The following OR1K1 variants were observed in gnomAD, a reference collection of about 807,000 sequenced individuals.
OR1K1 encodes the protein olfactory receptor 1K1.
For synonymous variants in OR1K1, 168 were observed against 178.2 expected (o/e 0.94, Z 0.46); for missense variants, 409 against 407.9 (o/e 1.00, Z -0.02).
At position 122,801,018 on chromosome 9, in the gene OR1K1, AG is replaced by A. The variant is rs755877279; in HGVS notation, c.901del (p.Ala301HisfsTer?). On this transcript the variant is annotated frameshift_variant, in exon 1 of 1. Coordinates refer to ENST00000277309, the MANE Select transcript of OR1K1 (RefSeq NM_080859.1). LOFTEE classifies it low-confidence loss of function (END_TRUNC). ...IIYSLWNRDVQGALRALLIGR... is the reference protein window; with the variant it reads ...IIYSLWNRDVXGALRALLIGR... ...TACAGCCTCTGGAATCGCGATGTAC[AG>A]GGGGCACTCCGAGCCCTTCTCATTG... 8.1e-6 allele frequency: 13 copies of A among 1,613,734 alleles called. No homozygotes were observed. The highest frequency in any genetic ancestry group is 8.5e-6 in the Non-Finnish European group (10 of 1,179,982).
Position 122,800,647 on chromosome 9 carries a change from G to A in OR1K1, c.525G>A (p.Val175=). 1 of 1,614,006 alleles carries A rather than the reference G, an allele frequency of 6.2e-7. No homozygotes were observed. Among genetic ancestry groups the A allele is most frequent in the South Asian group, 1.1e-5 (1 of 91,080 alleles). The part of the protein sequence containing the change: ...ARLSFCASHQ[V]PHFFCDHQPL... ...TGTCCTTCTGTGCTTCCCACCAAGT[G>A]CCCCACTTCTTCTGTGACCACCAGC... is the stretch of plus-strand genomic sequence containing the variant. The change falls in exon 1 of 1, where the codon GTG becomes GTA. Residue 175 remains valine (V), a synonymous_variant. Coordinates refer to ENST00000277309, the MANE Select transcript of OR1K1 (RefSeq NM_080859.1).
rs374948229 is a variant in OR1K1, at chr9:122,800,896, A to G, written c.774A>G (p.Ala258=). The change falls in exon 1 of 1, where the codon GCA becomes GCG. Residue 258 remains alanine, a synonymous_variant. Transcript: ENST00000277309. Reference sequence around the variant, plus strand: ...GCCTCTTCTATGGGACAGTCATTGCAGTCTACTTCCAGGCCACATCCCGAC... The same window carrying G: ...GCCTCTTCTATGGGACAGTCATTGCGGTCTACTTCCAGGCCACATCCCGAC... ...VVSLFYGTVI[A]VYFQATSRRE... 1.9e-5 allele frequency: 30 copies of G among 1,614,122 alleles called. No homozygotes were observed. Among genetic ancestry groups the G allele is most frequent in the Admixed American group, 3.3e-5 (2 of 60,020 alleles).
Position 122,801,062 on chromosome 9 carries a change from A to G in OR1K1, c.940A>G (p.Ser314Gly). ...ALLIGRRISA[S>G]DS ...TCTCATTGGGCGAAGGATCTCAGCT[A>G]GTGACTCCTGAGGGCAGGACCCCAC... Residue 314 changes from serine to glycine, a missense_variant, in exon 1 of 1, where the codon AGT becomes GGT. Transcript: ENST00000277309. 6.2e-7 allele frequency: 1 copy of G among 1,603,942 alleles called. No homozygotes were observed. The highest frequency in any genetic ancestry group is 1.3e-5 in the African/African-American group (1 of 74,978).
rs1455504694 is a variant in OR1K1, at chr9:122,800,476, C to T, written c.354C>T (p.Ala118=). 7.4e-6 allele frequency: 12 copies of T among 1,611,652 alleles called. No homozygotes were observed. Among genetic ancestry groups the T allele is most frequent in the Non-Finnish European group, 7.6e-6 (9 of 1,180,008 alleles). ...TAACTGATAGCTGTCTTCTGGCGGC[C>T]ATGGCCTATGACTGCTACGTGGCCA... ...LGVTDSCLLA[A]MAYDCYVAIR... is the part of the protein sequence containing the mutation. Residue 118 remains alanine (A), a synonymous_variant, in exon 1 of 1, where the codon GCC becomes GCT. Coordinates refer to ENST00000277309, the MANE Select transcript of OR1K1 (RefSeq NM_080859.1).
At position 122,800,154 on chromosome 9, in the gene OR1K1, T is replaced by A; in HGVS notation, c.32T>A (p.Ile11Asn). ...GCTGCCAATGAGTCTTCAGAGGGAA[T>A]CTCATTCGTTTTATTGGGACTGACA... is the stretch of plus-strand genomic sequence containing the variant. MEAANESSEGISFVLLGLTTS... is the reference protein window; with the variant it reads MEAANESSEGNSFVLLGLTTS... Residue 11 changes from isoleucine (I) to asparagine (N), a missense_variant, in exon 1 of 1, where the codon ATC becomes AAC. Coordinates refer to ENST00000277309, the MANE Select transcript of OR1K1 (RefSeq NM_080859.1). 5 of 1,612,404 alleles carry A rather than the reference T, an allele frequency of 3.1e-6. No homozygotes were observed. Among genetic ancestry groups the A allele is most frequent in the Non-Finnish European group, 4.2e-6 (5 of 1,178,960 alleles).
At position 122,801,023 on chromosome 9, in the gene OR1K1, G is replaced by A. The variant is rs575222914; in HGVS notation, c.901G>A (p.Ala301Thr). The part of the protein sequence containing the change: ...YSLWNRDVQG[A>T]LRALLIGRRI... ...CCTCTGGAATCGCGATGTACAGGGG[G>A]CACTCCGAGCCCTTCTCATTGGGCG... Residue 301 changes from alanine (A) to threonine (T), a missense_variant, in exon 1 of 1, where the codon GCA (alanine) becomes ACA (threonine). Physicochemically the swap from Ala to Thr is moderately conservative, Grantham distance 58. Transcript: ENST00000277309. The A allele has an allele frequency of 1.7e-5, 28 of 1,613,466 alleles. No individual in the cohort carries two copies. The South Asian group carries it at 2.5e-4, about 15-fold the overall frequency.
rs1829357258 is a variant in OR1K1 at position 122,800,837 on chromosome 9, G to A, written c.715G>A (p.Val239Met). The A allele has an allele frequency of 1.2e-6, 2 of 1,613,706 alleles. No individual in the cohort carries two copies. Among genetic ancestry groups the A allele is most frequent in the Non-Finnish European group, 8.5e-7 (1 of 1,179,872 alleles). Reference protein sequence around the residue: ...LPSASGRLRAVSTCGSHLAVV... With the variant: ...LPSASGRLRAMSTCGSHLAVV... ...CTCAGCCTCTGGGAGGCTCCGGGCT[G>A]TGTCCACCTGTGGCTCCCACCTGGC... is the stretch of plus-strand genomic sequence containing the variant. The change falls in exon 1 of 1, where the codon GTG becomes ATG. Residue 239 changes from valine to methionine, a missense_variant. Transcript: ENST00000277309.
chr9:122,800,182 A>C lies in OR1K1; in HGVS notation c.60A>C (p.Thr20=), dbSNP rs748979398. 6 of 1,614,064 alleles carry C rather than the reference A, an allele frequency of 3.7e-6. No individual in the cohort carries two copies. The South Asian group carries it at 5.5e-5, about 15-fold the overall frequency. The change falls in exon 1 of 1, where the codon ACA becomes ACC. Residue 20 remains threonine, a synonymous_variant. Transcript: ENST00000277309. ...GISFVLLGLT[T]SPGQQRPLFV... is the part of the protein sequence containing the mutation. ...CATTCGTTTTATTGGGACTGACAAC[A>C]AGTCCTGGACAGCAGCGGCCTCTCT... is the stretch of plus-strand genomic sequence containing the variant.
rs141472398 is a variant in OR1K1, at chr9:122,800,823, G to T, written c.701G>T (p.Gly234Val). Residue 234 changes from glycine (G) to valine (V), a missense_variant, in exon 1 of 1, where the codon GGG becomes GTG. Coordinates refer to ENST00000277309, the MANE Select transcript of OR1K1 (RefSeq NM_080859.1). ...GTGCTCCAGCTGCCCTCAGCCTCTG[G>T]GAGGCTCCGGGCTGTGTCCACCTGT... ...AAVLQLPSASGRLRAVSTCGS... is the reference protein window; with the variant it reads ...AAVLQLPSASVRLRAVSTCGS... The T allele has an allele frequency of 3.7e-5, 60 of 1,613,752 alleles. 1 individual carries two copies. The African/African-American group carries it at 6.4e-4, about 17-fold the overall frequency.
chr9:122,800,320 C>A lies in OR1K1; in HGVS notation c.198C>A (p.His66Gln). 6.2e-7 allele frequency: 1 copy of A among 1,614,208 alleles called. No homozygotes were observed. Among genetic ancestry groups the A allele is most frequent in the Admixed American group, 1.7e-5 (1 of 60,032 alleles). Residue 66 changes from histidine to glutamine, a missense_variant, in exon 1 of 1, where the codon CAC becomes CAA. By Grantham distance (24) the His-to-Gln change is conservative (BLOSUM62 0). Transcript: ENST00000277309. ...LHAPMYFLLAHLSFADLCFAS... is the reference protein window; with the variant it reads ...LHAPMYFLLAQLSFADLCFAS... ...CACCCATGTACTTCCTGCTGGCCCA[C>A]CTGTCCTTTGCTGACCTCTGCTTCG...
In OR1K1 at chr9:122,800,175, T is replaced by C. The variant is rs767615333; in HGVS notation, c.53T>C (p.Leu18Pro). 3.1e-6 allele frequency: 5 copies of C among 1,613,966 alleles called. No individual in the cohort carries two copies. In the African/African-American group the frequency reaches 6.7e-5, roughly 22 times the overall value. Residue 18 changes from leucine (L) to proline (P), a missense_variant, in exon 1 of 1, where the codon CTG becomes CCG. Coordinates refer to ENST00000277309, the MANE Select transcript of OR1K1 (RefSeq NM_080859.1). ...GGAATCTCATTCGTTTTATTGGGAC[T>C]GACAACAAGTCCTGGACAGCAGCGG... ...SEGISFVLLG[L>P]TTSPGQQRPL...
rs1021160928 is a variant in OR1K1 at position 122,800,138 on chromosome 9, G to C, written c.16G>C (p.Glu6Gln). The change falls in exon 1 of 1, where the codon GAG becomes CAG. Residue 6 changes from glutamate to glutamine, a missense_variant. Glu to Gln is a conservative substitution (Grantham distance 29, BLOSUM62 2). Coordinates refer to ENST00000277309, the MANE Select transcript of OR1K1 (RefSeq NM_080859.1). MEAAN[E>Q]SSEGISFVLL... ...CCAGCCTGCCATGGAGGCTGCCAAT[G>C]AGTCTTCAGAGGGAATCTCATTCGT... 2 of 1,606,750 alleles carry C rather than the reference G, an allele frequency of 1.2e-6. No individual in the cohort carries two copies. Among genetic ancestry groups the C allele is most frequent in the Non-Finnish European group, 1.7e-6 (2 of 1,175,784 alleles).
rs750058621 is a variant in OR1K1, at chr9:122,800,969, AC to A, written c.852del (p.Met285CysfsTer2). 1.2e-6 allele frequency: 2 copies of A among 1,613,864 alleles called. No individual in the cohort carries two copies. The highest frequency in any genetic ancestry group is 1.7e-6 in the Non-Finnish European group (2 of 1,179,968). ...RVATVMYTVV[T>X]PMLNPIIYSL... ...GGCCACTGTCATGTACACTGTAGTC[AC>A]CCCCATGCTGAACCCCATCATCTAC... is the stretch of plus-strand genomic sequence containing the variant. On this transcript the variant is annotated frameshift_variant, in exon 1 of 1. Coordinates refer to ENST00000277309, the MANE Select transcript of OR1K1 (RefSeq NM_080859.1). LOFTEE classifies it low-confidence loss of function (END_TRUNC).
rs1829360958 is a variant in OR1K1 at position 122,801,034 on chromosome 9, C to T, written c.912C>T (p.Ala304=). ...WNRDVQGALR[A]LLIGRRISAS... is the part of the protein sequence containing the mutation. ...GCGATGTACAGGGGGCACTCCGAGC[C>T]CTTCTCATTGGGCGAAGGATCTCAG... The change falls in exon 1 of 1, where the codon GCC becomes GCT. Residue 304 remains alanine (A), a synonymous_variant. Coordinates refer to ENST00000277309, the MANE Select transcript of OR1K1 (RefSeq NM_080859.1). 6.2e-7 allele frequency: 1 copy of T among 1,612,568 alleles called. No homozygotes were observed. The highest frequency in any genetic ancestry group is 8.5e-7 in the Non-Finnish European group (1 of 1,179,526).
At position 122,800,898 on chromosome 9, in the gene OR1K1, T is replaced by C; in HGVS notation, c.776T>C (p.Val259Ala). The change falls in exon 1 of 1, where the codon GTC becomes GCC. Residue 259 changes from valine (V) to alanine (A), a missense_variant. Transcript: ENST00000277309. The part of the protein sequence containing the change: ...VSLFYGTVIA[V>A]YFQATSRREA... ...CTCTTCTATGGGACAGTCATTGCAGTCTACTTCCAGGCCACATCCCGACGC... is the reference window on the plus strand; with the variant it reads ...CTCTTCTATGGGACAGTCATTGCAGCCTACTTCCAGGCCACATCCCGACGC... 6.2e-7 allele frequency: 1 copy of C among 1,614,098 alleles called. No homozygotes were observed. Among genetic ancestry groups the C allele is most frequent in the Non-Finnish European group, 8.5e-7 (1 of 1,180,010 alleles).
chr9:122,800,894 G>T lies in OR1K1; in HGVS notation c.772G>T (p.Ala258Ser), dbSNP rs1169961249. 6.2e-7 allele frequency: 1 copy of T among 1,614,114 alleles called. No individual in the cohort carries two copies. The highest frequency in any genetic ancestry group is 1.7e-5 in the Admixed American group (1 of 60,026). Residue 258 changes from alanine (A) to serine (S), a missense_variant, in exon 1 of 1, where the codon GCA (alanine) becomes TCA (serine). Ala to Ser is a moderately conservative substitution (Grantham distance 99). Coordinates refer to ENST00000277309, the MANE Select transcript of OR1K1 (RefSeq NM_080859.1). Reference protein sequence around the residue: ...VVSLFYGTVIAVYFQATSRRE... With the variant: ...VVSLFYGTVISVYFQATSRRE... ...GAGCCTCTTCTATGGGACAGTCATT[G>T]CAGTCTACTTCCAGGCCACATCCCG...
rs748623617 is a variant in OR1K1 at position 122,801,030 on chromosome 9, G to A, written c.908G>A (p.Arg303Gln). 18 of 1,612,932 alleles carry A rather than the reference G, an allele frequency of 1.1e-5. No individual in the cohort carries two copies. Among genetic ancestry groups the A allele is most frequent in the Admixed American group, 5.0e-5 (3 of 59,934 alleles). ...AATCGCGATGTACAGGGGGCACTCC[G>A]AGCCCTTCTCATTGGGCGAAGGATC... ...LWNRDVQGAL[R>Q]ALLIGRRISA... is the part of the protein sequence containing the mutation. Residue 303 changes from arginine to glutamine, a missense_variant, in exon 1 of 1, where the codon CGA becomes CAA. Physicochemically the swap from Arg to Gln is conservative, Grantham distance 43. Transcript: ENST00000277309.
Position 122,800,541 on chromosome 9 carries a change from C to A in OR1K1, c.419C>A (p.Ala140Asp). 5 of 1,612,802 alleles carry A rather than the reference C, an allele frequency of 3.1e-6. No individual in the cohort carries two copies. In the South Asian group the frequency reaches 5.5e-5, roughly 18 times the overall value. Residue 140 changes from alanine (A) to aspartate (D), a missense_variant, in exon 1 of 1, where the codon GCC becomes GAC. Ala to Asp is a moderately radical substitution (Grantham distance 126, BLOSUM62 -2). Transcript: ENST00000277309. ...PLPYATRMSRAMCAALVGMAW... is the reference protein window; with the variant it reads ...PLPYATRMSRDMCAALVGMAW... ...CCCTATGCCACGAGGATGTCCCGGG[C>A]CATGTGCGCAGCCCTGGTGGGAATG...
rs1829359012 is a variant in OR1K1, at chr9:122,800,943, T to G, written c.821T>G (p.Val274Gly). ...TSRREAEWGRVATVMYTVVTP... is the reference protein window; with the variant it reads ...TSRREAEWGRGATVMYTVVTP... ...CGACGCGAGGCAGAGTGGGGCCGTG[T>G]GGCCACTGTCATGTACACTGTAGTC... Residue 274 changes from valine (V) to glycine (G), a missense_variant, in exon 1 of 1, where the codon GTG becomes GGG. By Grantham distance (109) the Val-to-Gly change is moderately radical. Transcript: ENST00000277309. The G allele has an allele frequency of 1.2e-6, 2 of 1,614,236 alleles. No individual in the cohort carries two copies. Among genetic ancestry groups the G allele is most frequent in the Non-Finnish European group, 8.5e-7 (1 of 1,180,040 alleles).
Sources: allele counts gnomAD v4.1 joint callset, GRCh38; gene constraint gnomAD v4.1.1; transcripts MANE v1.5; gene names NCBI Gene and HGNC (gene_info 2026-07-23, HGNC 2026-07-21).